The following GNL2 variants were observed in gnomAD, a reference collection of about 807,000 sequenced individuals.
GNL2 encodes the protein G protein nucleolar 2.
In GNL2, 51 loss-of-function variants were observed where a neutral mutation model predicts 92.3. That is an observed-to-expected ratio of 0.55 (90% CI 0.44 to 0.70). GNL2 has a LOEUF of 0.70. Ranked by LOEUF, GNL2 falls within the 30% of genes least tolerant of loss-of-function variation. The pLI, the probability that GNL2 is intolerant of heterozygous loss-of-function variation, is 0.00. For missense variants in GNL2, 844 were observed against 895.6 expected, an observed-to-expected ratio of 0.94 and a Z score of 0.74; for synonymous variants, 283 against 300.6, an observed-to-expected ratio of 0.94 and a Z score of 0.61.
At chr1:37,590,030 T>A (rs952002052) in intron 4 of GNL2, among the ~76,000 whole-genome samples, 2 of 152,246 alleles carry the variant, frequency 1.3e-5, no homozygotes, top group East Asian at 1.9e-4. Flanking sequence ...TTAGGTGGTG[T>A]GCTATGTGCT....
At chr1:37,582,006 G>T (rs1366403340) in intron 8 of GNL2, among the ~76,000 whole-genome samples, 1 of 152,062 alleles carries the variant, frequency 6.6e-6, no homozygotes, top group East Asian at 1.9e-4. Context: ...TGTTACCCAG[G>T]CTGGAGTGCA....
chr1:37,571,277 G>A (rs969245299), intron 12 of GNL2, among the ~76,000 whole-genome samples: 1 of 152,166 alleles, frequency 6.6e-6, no homozygotes, highest in Admixed American at 6.5e-5. Flanking sequence ...CTGAACACTA[G>A]GTACTGACCA....
chr1:37,593,778 T>G lies in GNL2; in HGVS notation c.133A>C (p.Arg45=). ...AGTGCTCACCTGCGCTCCTTTTGCCTATACATATTCAGGCGCCGGATGGTG... is the reference window on the plus strand; with the variant it reads ...AGTGCTCACCTGCGCTCCTTTTGCCGATACATATTCAGGCGCCGGATGGTG... ...RATIRRLNMY[R]QKERRNSRGK... is the part of the protein sequence containing the mutation. Residue 45 remains arginine, a synonymous_variant, in exon 2 of 16, where the codon AGG becomes CGG. Coordinates refer to ENST00000373062, the MANE Select transcript of GNL2 (RefSeq NM_013285.3). 6.2e-7 allele frequency: 1 copy of G among 1,613,748 alleles called. No individual in the cohort carries two copies. Among genetic ancestry groups the G allele is most frequent in the Middle Eastern group, 1.7e-4 (1 of 6,056 alleles).
intron 9 of GNL2, 198 bp downstream of exon 9, chr1:37,576,230 G>A (rs901506624): frequency 3.0e-5 from 16 of 525,062 alleles, no homozygotes; most frequent in East Asian, 1.3e-4. Context: ...AAAGCCACAC[G>A]GGGGCATATA....
rs933940520 is a variant in GNL2 at position 37,578,370 on chromosome 1, C to T, written c.910-1814G>A. On this transcript the variant is annotated intron_variant, in intron 8 of 15. Transcript: ENST00000373062. ...AGGAGAATTGCTTGAACCCAGGAGG[C>T]GGAGATTGCAGTGAGCCTAAATCAG... is the stretch of plus-strand genomic sequence containing the variant. Among the ~76,000 whole-genome samples the T allele has an allele frequency of 1.3e-4, 19 of 150,332 alleles. 1 individual carries two copies. The highest frequency in any genetic ancestry group is 7.3e-4 in the Admixed American group (11 of 14,994).
chr1:37,592,818 A>G lies in GNL2; in HGVS notation c.150-12T>C. On this transcript the variant is annotated splice_polypyrimidine_tract_variant and intron_variant, in intron 2 of 15. Transcript: ENST00000373062. Reference sequence around the variant, plus strand: ...TACCACGACTGTTCCTAAATTGAGGAAAGAACAGATATTGGTTGACAACAG... The same window carrying G: ...TACCACGACTGTTCCTAAATTGAGGGAAGAACAGATATTGGTTGACAACAG... The G allele has an allele frequency of 6.9e-7, 1 of 1,444,826 alleles. No homozygotes were observed. Among genetic ancestry groups the G allele is most frequent in the Non-Finnish European group, 9.7e-7 (1 of 1,026,138 alleles). The allele number at this position is 1,444,826 out of a possible 1,614,324, so 89.5% of individuals were successfully genotyped here.
At chr1:37,568,784 G>A (rs552035433) in intron 13 of GNL2, 67 bp downstream of exon 13, 1 of 1,129,262 alleles carries the variant, frequency 8.9e-7, no homozygotes, top group Non-Finnish European at 1.3e-6. Flanking sequence ...ATATGGCTCT[G>A]GTACTCATGG....
At chr1:37,581,018 A>G (rs1643758350) in intron 8 of GNL2, among the ~76,000 whole-genome samples, 1 of 152,140 alleles carries the variant, frequency 6.6e-6, no homozygotes, top group South Asian at 2.1e-4. Context: ...CAACCAACCA[A>G]CACTGAATGA....
Position 37,566,883 on chromosome 1 carries a change from TTG to T in GNL2, c.2166_2167del (p.His722GlnfsTer?). The T allele has an allele frequency of 6.2e-7, 1 of 1,613,870 alleles. No homozygotes were observed. Among genetic ancestry groups the T allele is most frequent in the Non-Finnish European group, 8.5e-7 (1 of 1,179,932 alleles). On this transcript the variant is annotated frameshift_variant, in exon 16 of 16. Transcript: ENST00000373062. LOFTEE classifies it high-confidence loss of function. Reference sequence around the variant, plus strand: ...CTGCTTTTGTCTGAATTTTTTGCGTTTGTGTTTCTGTCCCTCTGAGTCATTGG... The same window carrying T: ...CTGCTTTTGTCTGAATTTTTTGCGTTTGTTTCTGTCCCTCTGAGTCATTGG...
chr1:37,582,984 GA>G, intron 6 of GNL2, 48 bp from the exon 7 acceptor site: 1 of 1,326,026 alleles, frequency 7.5e-7, no homozygotes, highest in Non-Finnish European at 1.1e-6. Flanking sequence ...ACAAATAAAA[GA>G]GGGATGACAT....
intron 12 of GNL2, chr1:37,570,898 T>C (rs937657333): frequency 6.6e-6 from 1 of 152,372 alleles, no homozygotes; most frequent in East Asian, 1.9e-4. Flanking sequence ...AGCTTTCTAC[T>C]GGTGTTTCAC....
At position 37,586,603 on chromosome 1, in the gene GNL2, A is replaced by T. The variant is rs114054235; in HGVS notation, c.569+708T>A. Among the ~76,000 whole-genome samples the T allele has an allele frequency of 5.3e-3, 802 of 152,362 alleles. 5 individuals are homozygous for T. Among genetic ancestry groups the T allele is most frequent in the African/African-American group, 0.018 (735 of 41,584 alleles). On this transcript the variant is annotated intron_variant, in intron 5 of 15. Transcript: ENST00000373062. Reference sequence around the variant, plus strand: ...CCTTACAGGCCATCCATTAACTCAGAGACCTCCAGTTAAGGAAGCCCCGAT... The same window carrying T: ...CCTTACAGGCCATCCATTAACTCAGTGACCTCCAGTTAAGGAAGCCCCGAT...
chr1:37,576,452 C>A lies in GNL2; in HGVS notation c.1014G>T (p.Val338=), dbSNP rs990417221. The A allele has an allele frequency of 1.3e-5, 21 of 1,613,790 alleles. No individual in the cohort carries two copies. Among genetic ancestry groups the A allele is most frequent in the Non-Finnish European group, 1.7e-5 (20 of 1,179,906 alleles). Residue 338 remains valine (V), a synonymous_variant, in exon 9 of 16, where the codon GTG becomes GTT. Transcript: ENST00000373062. The stretch of plus-strand genomic sequence containing the variant: ...CCTTTGTTTCACCTGCAATGGGAGC[C>A]ACGTTGCAAACTTTCTTAGAACGCA... ...NTLRSKKVCN[V]APIAGETKVW...
At chr1:37,594,537 T>C (rs1449716721) in intron 1 of GNL2, among the ~76,000 whole-genome samples, 3 of 152,198 alleles carry the variant, frequency 2.0e-5, no homozygotes, top group Non-Finnish European at 4.4e-5. Flanking sequence ...TATTCATTTA[T>C]TCATTATTAT....
At chr1:37,589,130 T>C (rs1402676372) in intron 4 of GNL2, among the ~76,000 whole-genome samples, 1 of 152,262 alleles carries the variant, frequency 6.6e-6, no homozygotes, top group Non-Finnish European at 1.5e-5. Flanking sequence ...GCAACTTGTC[T>C]GTGGTTCATG....
rs1164994780 is a variant in GNL2, at chr1:37,580,474, G to A, written c.909+1749C>T. Among the ~76,000 whole-genome samples, 2 of 152,218 alleles carry A rather than the reference G, an allele frequency of 1.3e-5. 1 individual carries two copies. Among genetic ancestry groups the A allele is most frequent in the Non-Finnish European group, 2.9e-5 (2 of 68,032 alleles). On this transcript the variant is annotated intron_variant, in intron 8 of 15. Coordinates refer to ENST00000373062, the MANE Select transcript of GNL2 (RefSeq NM_013285.3). ...AACGCAAGGCGTATCTCAAAAAAAT[G>A]TTCTTTCCAAGTATTCCTTCTCAGG...
rs1411110063 is a variant in GNL2, at chr1:37,575,603, T to A, written c.1135A>T (p.Lys379Ter). 8 of 1,581,254 alleles carry A rather than the reference T, an allele frequency of 5.1e-6. No individual in the cohort carries two copies. In the African/African-American group the frequency reaches 8.2e-5, roughly 16 times the overall value. The change falls in exon 10 of 16, where the codon AAA becomes TAA. Residue 379 changes from lysine to a stop codon, truncating the protein, a stop_gained. Coordinates refer to ENST00000373062, the MANE Select transcript of GNL2 (RefSeq NM_013285.3). LOFTEE classifies it high-confidence loss of function. This position sits in a 1 kb window ranked among gnomAD's most constrained non-coding sequence, Gnocchi z 4.1. ...CAGGGCCAAATACTCACAACTCCTT[T>A]TAGCACAATGTCTGTCTCGGAGTCC... The part of the protein sequence containing the change: ...SEDSETDIVL[K>*]GVVQVEKIKS...
chr1:37,584,978 AG>A (rs1347477266), intron 5 of GNL2, among the ~76,000 whole-genome samples: 2 of 150,886 alleles, frequency 1.3e-5, no homozygotes, highest in Non-Finnish European at 3.0e-5. Flanking sequence ...GCCACTCGGG[AG>A]GCTGAGGCTG....
chr1:37,592,796 C>A lies in GNL2; in HGVS notation c.160G>T (p.Gly54Cys). 6.3e-7 allele frequency: 1 copy of A among 1,591,902 alleles called. No homozygotes were observed. Among genetic ancestry groups the A allele is most frequent in the Non-Finnish European group, 8.6e-7 (1 of 1,160,012 alleles). ...TATTGCAGGGGTTTAATTATTTTACCACGACTGTTCCTAAATTGAGGAAAG... is the reference window on the plus strand; with the variant it reads ...TATTGCAGGGGTTTAATTATTTTACAACGACTGTTCCTAAATTGAGGAAAG... The part of the protein sequence containing the change: ...YRQKERRNSR[G>C]KIIKPLQYQS... The change falls in exon 3 of 16, where the codon GGT becomes TGT. Residue 54 changes from glycine to cysteine, a missense_variant. Coordinates refer to ENST00000373062, the MANE Select transcript of GNL2 (RefSeq NM_013285.3).
Sources: allele counts gnomAD v4.1 joint callset (sites outside exome capture counted in the v4.1 genomes callset), GRCh38; gene constraint gnomAD v4.1.1; non-coding constraint Gnocchi (gnomAD v3.1); transcripts MANE v1.5; gene names NCBI Gene and HGNC (gene_info 2026-07-23, HGNC 2026-07-21).